The following C2orf76 variants were observed in gnomAD, a reference collection of about 807,000 sequenced individuals.
C2orf76 encodes UPF0538 protein C2orf76.
In C2orf76, 23 loss-of-function variants were observed where a neutral mutation model predicts 16.9. That is an observed-to-expected ratio of 1.36 (90% CI 0.98 to 1.93). The LOEUF (loss-of-function observed/expected upper bound fraction) is 1.93. Among genes scored for constraint, C2orf76 ranks in the 30% most tolerant of loss-of-function variants. The pLI, the probability that C2orf76 is intolerant of heterozygous loss-of-function variation, is 0.00. For missense variants in C2orf76, 152 were observed against 152.6 expected (o/e 1.00, Z 0.02); for synonymous variants, 48 against 52.3 (o/e 0.92, Z 0.35).
chr2:119,331,028 AT>A (rs751293192), intron 2 of C2orf76, among the ~76,000 whole-genome samples: 6 of 148,950 alleles, frequency 4.0e-5, no homozygotes, highest in Non-Finnish European at 6.0e-5. Flanking sequence ...CAATAGACTG[AT>A]TTTTTTTTTC....
At chr2:119,347,992 A>G (rs1030837798) in intron 1 of C2orf76, among the ~76,000 whole-genome samples, 2 of 144,734 alleles carry the variant, frequency 1.4e-5, no homozygotes, top group Admixed American at 7.2e-5. Flanking sequence ...TGAGCTATGT[A>G]CTGTGCTCCA....
intron 2 of C2orf76, among the ~76,000 whole-genome samples, chr2:119,327,542 T>C (rs1166663659): frequency 6.6e-6 from 1 of 152,090 alleles, no homozygotes; most frequent in African/African-American, 2.4e-5. Flanking sequence ...CTCTCCATGC[T>C]ATAATGGGTG....
In C2orf76 at chr2:119,337,241, G is replaced by GT. The variant is rs58917405; in HGVS notation, c.133+2585dup. On this transcript the variant is annotated intron_variant, in intron 2 of 5. Coordinates refer to ENST00000334816, the MANE Select transcript of C2orf76 (RefSeq NM_001322331.2). ...AGCTAGTTTTTTGGGGTTTTGTTTT[G>GT]TTTTTTTTTTGGAGAGACAGGGTCT... Among the ~76,000 whole-genome samples the GT allele has an allele frequency of 2.7e-3, 394 of 147,890 alleles. 2 individuals are homozygous for GT. The highest frequency in any genetic ancestry group is 0.016 in the South Asian group (72 of 4,620).
downstream of C2orf76, among the ~76,000 whole-genome samples, chr2:119,301,076 A>ACACACACAC (rs1678612702): frequency 2.1e-5 from 3 of 146,240 alleles, no homozygotes; most frequent in Admixed American, 6.8e-5. Flanking sequence ...ACTTCTTAAA[A>ACACACACAC]ACACACACAC....
chr2:119,357,658 C>T (rs1573689937), intron 1 of C2orf76, among the ~76,000 whole-genome samples: 1 of 151,714 alleles, frequency 6.6e-6, no homozygotes, highest in Non-Finnish European at 1.5e-5. Flanking sequence ...AATGCTTTCC[C>T]CCTAAGATCA....
intron 2 of C2orf76, among the ~76,000 whole-genome samples, chr2:119,326,701 C>T (rs1370242986): frequency 6.6e-6 from 1 of 152,130 alleles, no homozygotes; most frequent in Non-Finnish European, 1.5e-5. Context: ...TCCATGAACA[C>T]AGTATACCTC....
At chr2:119,284,316 C>T in the C2orf76 span, among the ~76,000 whole-genome samples, 4,813 of 152,220 alleles carry the variant, frequency 0.032, 90 homozygotes, top group South Asian at 0.082. Context: ...ATATTCAATG[C>T]TGACACACCA....
chr2:119,325,855 G>A (rs551828610), intron 2 of C2orf76, among the ~76,000 whole-genome samples: 2 of 152,052 alleles, frequency 1.3e-5, no homozygotes. Flanking sequence ...CCATACATAC[G>A]TCTTCTTTAG....
intron 2 of C2orf76, among the ~76,000 whole-genome samples, chr2:119,331,845 A>G (rs1679687092): frequency 6.6e-6 from 1 of 152,226 alleles, no homozygotes. Flanking sequence ...TATCTATTAT[A>G]TTCTGAAAAT....
intron 1 of C2orf76, among the ~76,000 whole-genome samples, chr2:119,347,203 T>C (rs1183038522): frequency 1.3e-5 from 2 of 152,100 alleles, no homozygotes; most frequent in Non-Finnish European, 2.9e-5. Flanking sequence ...TGACAGGGTA[T>C]GGAAGAACAT....
At chr2:119,358,973 T>C (rs922861495) in intron 1 of C2orf76, among the ~76,000 whole-genome samples, 2 of 152,198 alleles carry the variant, frequency 1.3e-5, no homozygotes, top group African/African-American at 4.8e-5. Context: ...ATCTAGGATC[T>C]GCATAGCTAG....
chr2:119,292,763 G>A, the C2orf76 span, among the ~76,000 whole-genome samples: 5 of 152,118 alleles, frequency 3.3e-5, no homozygotes, highest in East Asian at 1.9e-4. Context: ...GGCCAGGTGC[G>A]GTGGCTCATG....
At chr2:119,324,445 G>A (rs963172202) in intron 2 of C2orf76, among the ~76,000 whole-genome samples, 10 of 151,828 alleles carry the variant, frequency 6.6e-5, no homozygotes, top group African/African-American at 1.7e-4. Flanking sequence ...TAAATTCCTC[G>A]GGATGAAAAC....
chr2:119,288,014 G>C, the C2orf76 span, among the ~76,000 whole-genome samples: 4 of 152,264 alleles, frequency 2.6e-5, no homozygotes, highest in Non-Finnish European at 5.9e-5. Flanking sequence ...GGGGCAGAGA[G>C]GGGACTGTGA....
At chr2:119,363,837 G>A (rs1382098934) in intron 1 of C2orf76, among the ~76,000 whole-genome samples, 2 of 151,912 alleles carry the variant, frequency 1.3e-5, no homozygotes, top group African/African-American at 2.4e-5. Context: ...ACCAACCCAG[G>A]CAACATGGCA....
At chr2:119,302,578 AT>A in intron 5 of C2orf76, 30 bp from the exon 6 acceptor site, 1 of 1,370,212 alleles carries the variant, frequency 7.3e-7, no homozygotes. Flanking sequence ...GGAAAAAAAG[AT>A]TTTAATGTAA....
At chr2:119,291,837 A>G in the C2orf76 span, among the ~76,000 whole-genome samples, 1 of 152,076 alleles carries the variant, frequency 6.6e-6, no homozygotes, top group East Asian at 1.9e-4. Flanking sequence ...ATTCCCCAAA[A>G]CAATATGTTT....
At chr2:119,335,112 G>A (rs145467876) in intron 2 of C2orf76, among the ~76,000 whole-genome samples, 162 of 152,240 alleles carry the variant, frequency 1.1e-3, no homozygotes, top group African/African-American at 3.6e-3. Flanking sequence ...AAGAACTCAC[G>A]TTTAATGTAT....
intron 1 of C2orf76, among the ~76,000 whole-genome samples, chr2:119,362,274 C>G (rs1209787407): frequency 2.0e-5 from 3 of 152,134 alleles, no homozygotes; most frequent in Non-Finnish European, 4.4e-5. Flanking sequence ...AGTAAGACTT[C>G]GAATCAACAG....
Sources: allele counts gnomAD v4.1 joint callset (sites outside exome capture counted in the v4.1 genomes callset), GRCh38; gene constraint gnomAD v4.1.1; transcripts MANE v1.5; gene names NCBI Gene and HGNC (gene_info 2026-07-23, HGNC 2026-07-21).